IMPG2: variants seen among roughly 807,000 people sequenced by gnomAD.
IMPG2 encodes interphotoreceptor matrix proteoglycan 2, also known as IPM 200.
Under a neutral mutation model 129.2 loss-of-function variants are expected in IMPG2, and 91 were observed. The observed-to-expected ratio is 0.70, with a 90% CI of 0.59 to 0.84. IMPG2 has a LOEUF of 0.84. IMPG2 is among the 40% of genes least tolerant of loss of function. IMPG2 has a pLI of 0.00. For missense variants in IMPG2, 1,430 were observed against 1,461.7 expected (o/e 0.98, Z 0.35); for synonymous variants, 510 against 517.7 (o/e 0.99, Z 0.20).
intron 14 of IMPG2, among the ~76,000 whole-genome samples, chr3:101,234,440 G>T (rs879510502): frequency 6.6e-6 from 1 of 152,072 alleles, no homozygotes; most frequent in South Asian, 2.1e-4. Context: ...CTCAAGAACT[G>T]TGGGAGAATA....
Position 101,319,672 on chromosome 3 carries a change from A to C in IMPG2, c.246T>G (p.Ser82=). The part of the protein sequence containing the change: ...ERQWLIRRRR[S]ILFPNGVKIC... ...TTTTCACTCCATTAGGAAACAGAAT[A>C]GATCTCCGCCTTCTGATTAACCACT... The change falls in exon 2 of 19, where the codon TCT becomes TCG. Residue 82 remains serine, a synonymous_variant. Coordinates refer to ENST00000193391, the MANE Select transcript of IMPG2 (RefSeq NM_016247.4). 1 of 1,613,736 alleles carries C rather than the reference A, an allele frequency of 6.2e-7. No individual in the cohort carries two copies. Among genetic ancestry groups the C allele is most frequent in the South Asian group, 1.1e-5 (1 of 91,084 alleles).
chr3:101,241,975 G>A (rs1576747141), intron 14 of IMPG2, among the ~76,000 whole-genome samples: 1 of 151,960 alleles, frequency 6.6e-6, no homozygotes, highest in Non-Finnish European at 1.5e-5. Context: ...GTTGCAGTGA[G>A]CCAAGGTCAC....
intron 10 of IMPG2, among the ~76,000 whole-genome samples, 174 bp from the exon 11 acceptor site, chr3:101,253,955 T>C (rs1312763274): frequency 6.6e-6 from 1 of 152,170 alleles, no homozygotes; most frequent in African/African-American, 2.4e-5. Context: ...TTATTTATAT[T>C]AGCACAATCT....
chr3:101,241,056 T>A (rs985588597), intron 14 of IMPG2, among the ~76,000 whole-genome samples: 1 of 152,248 alleles, frequency 6.6e-6, no homozygotes, highest in African/African-American at 2.4e-5. Flanking sequence ...TTTGAGTACC[T>A]TCTGTGTTCA....
At chr3:101,256,170 A>AAAGG (rs1303811013) in intron 10 of IMPG2, among the ~76,000 whole-genome samples, 1 of 147,996 alleles carries the variant, frequency 6.8e-6, no homozygotes, top group African/African-American at 2.5e-5. Flanking sequence ...AGAAAGAAAG[A>AAAGG]AAGAAAGAAA....
At position 101,224,539 on chromosome 3, in the gene IMPG2, C is replaced by T. The variant is rs1187427417; in HGVS notation, c.*2430G>A. On this transcript the variant is annotated 3_prime_UTR_variant, in exon 19 of 19. Coordinates refer to ENST00000193391, the MANE Select transcript of IMPG2 (RefSeq NM_016247.4). ...CCTAAGACTTTTAAATGATGACATG[C>T]CATTAAATCACCTTCGAGGAAGGTC... 1 of 152,174 alleles carries T rather than the reference C, an allele frequency of 6.6e-6. No homozygotes were observed. The highest frequency in any genetic ancestry group is 1.5e-5 in the Non-Finnish European group (1 of 68,042). 9.4% of individuals were successfully genotyped at this position (152,174 alleles called of 1,614,324 possible). A position where few individuals can be genotyped will look rare whatever the true frequency, so the allele number is the denominator to read the frequency against.
At chr3:101,239,718 C>T (rs1232220788) in intron 14 of IMPG2, among the ~76,000 whole-genome samples, 2 of 152,220 alleles carry the variant, frequency 1.3e-5, no homozygotes, top group South Asian at 2.1e-4. Flanking sequence ...GGCACATATA[C>T]ACCATTGAAT....
At chr3:101,237,477 C>T (rs1240685453) in intron 14 of IMPG2, among the ~76,000 whole-genome samples, 1 of 152,128 alleles carries the variant, frequency 6.6e-6, no homozygotes. Flanking sequence ...CTCTGGCTGG[C>T]ATCTGGTGGG....
At position 101,318,280 on chromosome 3, in the gene IMPG2, C is replaced by T. The variant is rs78703896; in HGVS notation, c.334+1304G>A. Among the ~76,000 whole-genome samples, 817 of 151,840 alleles carry T rather than the reference C, an allele frequency of 5.4e-3. 8 individuals are homozygous for T. The highest frequency in any genetic ancestry group is 0.018 in the African/African-American group (764 of 41,494). On this transcript the variant is annotated intron_variant, in intron 2 of 18. Coordinates refer to ENST00000193391, the MANE Select transcript of IMPG2 (RefSeq NM_016247.4). ...CTTCAGTTCCTTTATTCTCTTCCCA[C>T]TGTCTTTGGAATTTTCCATTTCTGG...
intron 3 of IMPG2, among the ~76,000 whole-genome samples, chr3:101,302,058 T>C (rs1707144674): frequency 1.3e-5 from 2 of 152,226 alleles, no homozygotes; most frequent in African/African-American, 2.4e-5. Context: ...TACAAACACT[T>C]GGCTCGTGCT....
chr3:101,281,340 G>A (rs1191182169), intron 4 of IMPG2, among the ~76,000 whole-genome samples: 1 of 152,092 alleles, frequency 6.6e-6, no homozygotes, highest in Non-Finnish European at 1.5e-5. Context: ...AATACTAATG[G>A]GAAAGAGTTA....
At chr3:101,254,172 G>T (rs966274620) in intron 10 of IMPG2, among the ~76,000 whole-genome samples, 1 of 152,022 alleles carries the variant, frequency 6.6e-6, no homozygotes, top group Non-Finnish European at 1.5e-5. Flanking sequence ...TGGTAGAAAA[G>T]CATGCAAAAA....
intron 14 of IMPG2, among the ~76,000 whole-genome samples, chr3:101,237,376 G>A (rs1185720029): frequency 6.6e-6 from 1 of 152,174 alleles, no homozygotes; most frequent in African/African-American, 2.4e-5. Flanking sequence ...GCTAAGGGAC[G>A]ATTGCCTCCT....
intron 9 of IMPG2, among the ~76,000 whole-genome samples, chr3:101,265,489 T>G (rs1410697938): frequency 6.6e-6 from 1 of 151,962 alleles, no homozygotes; most frequent in Non-Finnish European, 1.5e-5. Context: ...AAACTGGATA[T>G]CCATATGCAG....
At chr3:101,260,164 G>GC (rs1161821011) in intron 9 of IMPG2, among the ~76,000 whole-genome samples, 1 of 152,078 alleles carries the variant, frequency 6.6e-6, no homozygotes, top group African/African-American at 2.4e-5. Flanking sequence ...TAAGGAAGCA[G>GC]CCAGGCCTCT....
At chr3:101,302,438 T>C (rs1384080490) in intron 3 of IMPG2, among the ~76,000 whole-genome samples, 1 of 152,194 alleles carries the variant, frequency 6.6e-6, no homozygotes, top group Non-Finnish European at 1.5e-5. Flanking sequence ...TATCCCATGT[T>C]AGCCACTGCA....
intron 2 of IMPG2, among the ~76,000 whole-genome samples, chr3:101,310,858 G>C (rs1482598200): frequency 6.6e-6 from 1 of 152,162 alleles, no homozygotes; most frequent in Non-Finnish European, 1.5e-5. Context: ...AGCACAAGCT[G>C]TCTCCTATAA....
chr3:101,250,549 GAC>G (rs1206681896), intron 11 of IMPG2, among the ~76,000 whole-genome samples: 1 of 152,054 alleles, frequency 6.6e-6, no homozygotes, highest in African/African-American at 2.4e-5. Flanking sequence ...AATGCTCAAG[GAC>G]ACACAAAAAA....
chr3:101,270,421 G>GACCAAT (rs1216229940), intron 7 of IMPG2, among the ~76,000 whole-genome samples: 2 of 152,158 alleles, frequency 1.3e-5, no homozygotes, highest in African/African-American at 4.8e-5. Flanking sequence ...CTGGTCAAAA[G>GACCAAT]ACCAATTCAT....
Sources: gnomAD v4.1 joint callset for allele counts (sites outside exome capture counted in the v4.1 genomes callset) on GRCh38, gnomAD v4.1.1 for gene constraint, MANE v1.5 for transcripts, NCBI Gene and HGNC (gene_info 2026-07-23, HGNC 2026-07-21) for gene names.